Variants in PPP2R2C observed in about 807,000 individuals in gnomAD.
The protein encoded by PPP2R2C is protein phosphatase 2, regulatory subunit B, gamma.
A neutral mutation model predicts 45.3 loss-of-function variants in PPP2R2C; 10 were observed. That is an observed-to-expected ratio of 0.22 (90% CI 0.14 to 0.37). PPP2R2C has a LOEUF of 0.37. Among genes scored for constraint, PPP2R2C ranks in the 10% least tolerant of loss-of-function variants. The probability of loss-of-function intolerance (pLI) is 1.00; values close to 1 mark genes in which losing one functional copy is unlikely to be tolerated. For synonymous variants in PPP2R2C, 257 were observed against 245.4 expected (o/e 1.05, Z -0.44); for missense variants, 308 against 619.7 (o/e 0.50, Z 5.34).
intron 2 of PPP2R2C, among the ~76,000 whole-genome samples, chr4:6,534,955 G>C (rs749513404): frequency 6.6e-6 from 1 of 152,214 alleles, no homozygotes; most frequent in East Asian, 1.9e-4. Context: ...AGTAAACAAC[G>C]CTCCTGGCTC....
chr4:6,544,343 T>C (rs1168555267), intron 1 of PPP2R2C, among the ~76,000 whole-genome samples: 1 of 152,152 alleles, frequency 6.6e-6, no homozygotes, highest in African/African-American at 2.4e-5. Flanking sequence ...TTTATTATCA[T>C]TATTATTTTT....
intron 5 of PPP2R2C, chr4:6,350,077 G>A (rs923074940): frequency 2.0e-6 from 2 of 985,332 alleles, no homozygotes; most frequent in Non-Finnish European, 2.4e-6. Context: ...AATAGAAAGA[G>A]AGGGAAAAAT....
chr4:6,543,863 G>A (rs1358356323), intron 1 of PPP2R2C, among the ~76,000 whole-genome samples: 2 of 152,178 alleles, frequency 1.3e-5, no homozygotes, highest in African/African-American at 4.8e-5. Context: ...GGGTGGTAAA[G>A]CCGAGCATGT....
intron 1 of PPP2R2C, among the ~76,000 whole-genome samples, chr4:6,440,324 T>G (rs1283513935): frequency 6.6e-6 from 1 of 152,216 alleles, no homozygotes; most frequent in Non-Finnish European, 1.5e-5. Flanking sequence ...CTTTAGAGTT[T>G]TGTATCTGAA....
chr4:6,513,637 A>G (rs1723739993), intron 2 of PPP2R2C, among the ~76,000 whole-genome samples: 1 of 152,204 alleles, frequency 6.6e-6, no homozygotes, highest in Non-Finnish European at 1.5e-5. Context: ...TGAAAGGGAC[A>G]GGTCAGGTAT....
rs79937090 is a variant in PPP2R2C at position 6,471,910 on chromosome 4, G to T, written c.70+250C>A. On this transcript the variant is annotated intron_variant, in intron 1 of 8. Coordinates refer to ENST00000382599, the MANE Select transcript of PPP2R2C (RefSeq NM_020416.4). The surrounding 1 kb of genome is among the most constrained non-coding windows in gnomAD (Gnocchi z 5.6). ...GGAGAGGAAAGCTGCCTCCCGGAGG[G>T]CGGCGCGGAGGAGGGCGCTGCCCTG... Among the ~76,000 whole-genome samples the T allele has an allele frequency of 0.02, 3,031 of 151,576 alleles. 84 individuals carry two copies. Among genetic ancestry groups the T allele is most frequent in the East Asian group, 0.13 (654 of 5,034 alleles).
intron 1 of PPP2R2C, among the ~76,000 whole-genome samples, chr4:6,417,538 T>A (rs1160780370): frequency 6.6e-6 from 1 of 152,194 alleles, no homozygotes; most frequent in African/African-American, 2.4e-5. Context: ...CCCAAAGACA[T>A]CACGGGGCAT....
Position 6,545,128 on chromosome 4 carries a change from G to A in PPP2R2C, c.-58-9751C>T, listed in dbSNP as rs528328736. 3.3e-5 allele frequency among the ~76,000 whole-genome samples: 5 copies of A among 152,290 alleles called. 1 individual carries two copies. The highest frequency in any genetic ancestry group is 6.8e-3 in the Middle Eastern group (2 of 294). On this transcript the variant is annotated intron_variant, in intron 1 of 9. Coordinates refer to the PPP2R2C transcript ENST00000506140. ...TCACCATACCAGCACCAGGAGATAC[G>A]TTATTAATGAAAAAGTCAGGCCTAT...
At chr4:6,495,184 T>C (rs988963687) in intron 2 of PPP2R2C, among the ~76,000 whole-genome samples, 9 of 152,122 alleles carry the variant, frequency 5.9e-5, no homozygotes, top group African/African-American at 2.2e-4. Flanking sequence ...GTGGGGTGAG[T>C]ATCAGGGCCA....
chr4:6,380,792 T>C (rs1715720584), intron 2 of PPP2R2C, among the ~76,000 whole-genome samples: 1 of 151,946 alleles, frequency 6.6e-6, no homozygotes, highest in African/African-American at 2.4e-5. Flanking sequence ...CTGGAATCCA[T>C]GCCCCTGGGA....
chr4:6,408,304 T>C (rs1717932267), intron 1 of PPP2R2C, among the ~76,000 whole-genome samples: 1 of 152,132 alleles, frequency 6.6e-6, no homozygotes, highest in Admixed American at 6.5e-5. Context: ...ATACTAACAG[T>C]AGAACTGGTT....
chr4:6,552,562 T>G lies in PPP2R2C; in HGVS notation c.-59+10998A>C, dbSNP rs150689254. On this transcript the variant is annotated intron_variant, in intron 1 of 9. Coordinates refer to the PPP2R2C transcript ENST00000506140. ...TCTTCCTCTTTCTCTCCTCTGCTTG[T>G]GTCATCCCATCTCCTTCTCTGATTC... Among the ~76,000 whole-genome samples the G allele has an allele frequency of 6.5e-3, 987 of 152,130 alleles. 7 individuals are homozygous for G. Among genetic ancestry groups the G allele is most frequent in the Non-Finnish European group, 0.011 (754 of 67,990 alleles).
intron 5 of PPP2R2C, among the ~76,000 whole-genome samples, chr4:6,367,387 G>C (rs891580211): frequency 6.6e-6 from 1 of 151,966 alleles, no homozygotes; most frequent in African/African-American, 2.4e-5. Context: ...CAGAGAGCAG[G>C]GGTCAGAAGG....
intron 1 of PPP2R2C, among the ~76,000 whole-genome samples, chr4:6,410,923 C>T (rs1372575486): frequency 6.6e-6 from 1 of 151,764 alleles, no homozygotes; most frequent in Non-Finnish European, 1.5e-5. Context: ...GGATGAAGTG[C>T]GGTGGTGCGA....
chr4:6,414,076 A>ATG (rs71173440), intron 1 of PPP2R2C: 15,271 of 877,726 alleles, frequency 0.017, 216 homozygotes, highest in African/African-American at 0.064. Context: ...TTGCCTGTGT[A>ATG]TGTGTGTGTG....
chr4:6,491,141 C>T (rs532028958), intron 2 of PPP2R2C, among the ~76,000 whole-genome samples: 4 of 152,300 alleles, frequency 2.6e-5, no homozygotes, highest in Admixed American at 6.5e-5. Flanking sequence ...GGATTTTTGC[C>T]TGTTTTGCTC....
intron 3 of PPP2R2C, among the ~76,000 whole-genome samples, chr4:6,376,193 A>G (rs1715287923): frequency 6.6e-6 from 1 of 152,054 alleles, no homozygotes; most frequent in Admixed American, 6.6e-5. Context: ...TCACTCTCAT[A>G]CCCTACTGAT....
At chr4:6,459,996 ACG>A (rs1348027073) in intron 1 of PPP2R2C, among the ~76,000 whole-genome samples, 3 of 152,200 alleles carry the variant, frequency 2.0e-5, no homozygotes, top group Non-Finnish European at 4.4e-5. Context: ...CCAAATATGC[ACG>A]CAAAAAGGTG....
intron 1 of PPP2R2C, among the ~76,000 whole-genome samples, chr4:6,462,880 G>A (rs1577202017): frequency 6.6e-6 from 1 of 152,176 alleles, no homozygotes; most frequent in South Asian, 2.1e-4. Flanking sequence ...ATTGGAAGCA[G>A]TTCAATAGAC....
Sources: gnomAD v4.1 joint callset for allele counts (sites outside exome capture counted in the v4.1 genomes callset) on GRCh38, gnomAD v4.1.1 for gene constraint, Gnocchi (gnomAD v3.1) non-coding constraint, MANE v1.5 for transcripts, NCBI Gene and HGNC (gene_info 2026-07-23, HGNC 2026-07-21) for gene names.